The following ZNF710 variants were observed in gnomAD, a reference collection of about 807,000 sequenced individuals.
ZNF710 encodes zinc finger protein 710.
A neutral mutation model predicts 50.6 loss-of-function variants in ZNF710; 13 were observed. That is an observed-to-expected ratio of 0.26 (90% CI 0.17 to 0.41). The LOEUF is 0.41. Ranked by LOEUF, ZNF710 falls within the 10% of genes least tolerant of loss-of-function variation. The pLI is 1.00. For synonymous variants in ZNF710, 383 were observed against 397.0 expected, an observed-to-expected ratio of 0.96 and a Z score of 0.42; for missense variants, 721 against 936.6, an observed-to-expected ratio of 0.77 and a Z score of 3.01.
chr15:90,065,453 G>A (rs1225663483), intron 1 of ZNF710, among the ~76,000 whole-genome samples: 3 of 152,214 alleles, frequency 2.0e-5, no homozygotes, highest in Non-Finnish European at 2.9e-5. Flanking sequence ...ACTGCCTGGC[G>A]TGCTGCAGTC....
Position 90,074,338 on chromosome 15 carries a change from A to G in ZNF710, c.1825+48A>G, listed in dbSNP as rs530103494. 1.7e-5 allele frequency: 27 copies of G among 1,604,168 alleles called. No homozygotes were observed. In the South Asian group the frequency reaches 2.9e-4, roughly 17 times the overall value. Reference sequence around the variant, plus strand: ...ACAGAGCAGGAATGATACCAACATGACGCACTCAGGAGCCTCCTGCCCAGT... The same window carrying G: ...ACAGAGCAGGAATGATACCAACATGGCGCACTCAGGAGCCTCCTGCCCAGT... On this transcript the variant is annotated intron_variant, in intron 4 of 4. Coordinates refer to ENST00000268154, the MANE Select transcript of ZNF710 (RefSeq NM_198526.4).
At chr15:90,047,012 A>G (rs1899483269) in intron 1 of ZNF710, among the ~76,000 whole-genome samples, 1 of 152,218 alleles carries the variant, frequency 6.6e-6, no homozygotes, top group Non-Finnish European at 1.5e-5. Context: ...CAGGCCTGCA[A>G]GGCCATCAGG....
chr15:90,005,173 T>A (rs1567217057), intron 1 of ZNF710, among the ~76,000 whole-genome samples: 1 of 152,190 alleles, frequency 6.6e-6, no homozygotes, highest in East Asian at 1.9e-4. Context: ...GCGGAGCCCC[T>A]GTGCCTAGAA....
chr15:90,051,275 A>C (rs529147532), intron 1 of ZNF710, among the ~76,000 whole-genome samples: 144 of 151,458 alleles, frequency 9.5e-4, no homozygotes, highest in African/African-American at 3.3e-3. Flanking sequence ...CACTCCCAGT[A>C]ACTGGGTCCT....
rs1010695694 is a variant in ZNF710 at position 90,081,188 on chromosome 15, T to C, written c.*1359T>C. The stretch of plus-strand genomic sequence containing the variant: ...CCTCGGCTGTCAGGGCTGCTGACTC[T>C]GCTCAGCCAACAGCTAGCTCCCTCG... On this transcript the variant is annotated 3_prime_UTR_variant, in exon 5 of 5. Transcript: ENST00000268154. 5 of 152,658 alleles carry C rather than the reference T, an allele frequency of 3.3e-5. No homozygotes were observed. The highest frequency in any genetic ancestry group is 7.2e-5 in the African/African-American group (3 of 41,452). The allele number at this position is 152,658 out of a possible 1,614,324, so 9.5% of individuals were successfully genotyped here.
At chr15:90,074,068 G>A in intron 3 of ZNF710, 48 bp from the exon 4 acceptor site, 1 of 1,572,036 alleles carries the variant, frequency 6.4e-7, no homozygotes, top group Non-Finnish European at 8.6e-7. Context: ...GGGGTCCGGG[G>A]AAAGCAGGTT....
chr15:90,065,156 C>T (rs549064542), intron 1 of ZNF710, among the ~76,000 whole-genome samples: 4 of 152,280 alleles, frequency 2.6e-5, no homozygotes, highest in African/African-American at 7.2e-5. Flanking sequence ...CTTTGGTGTC[C>T]GTTTCAAGGA....
intron 1 of ZNF710, among the ~76,000 whole-genome samples, chr15:90,047,941 G>A (rs913996299): frequency 2.0e-5 from 3 of 152,168 alleles, no homozygotes; most frequent in Non-Finnish European, 4.4e-5. Flanking sequence ...CTCGAGGGTC[G>A]TGCTGTGAGG....
At chr15:90,056,129 G>T (rs1280546028) in intron 1 of ZNF710, among the ~76,000 whole-genome samples, 1 of 143,626 alleles carries the variant, frequency 7.0e-6, no homozygotes, top group African/African-American at 2.6e-5. Flanking sequence ...AAAAAAAAAG[G>T]CCAGATGCAG....
At chr15:90,033,844 CGT>C (rs1899022162) in intron 1 of ZNF710, among the ~76,000 whole-genome samples, 1 of 152,148 alleles carries the variant, frequency 6.6e-6, no homozygotes, top group Non-Finnish European at 1.5e-5. Context: ...GGTATGGAAA[CGT>C]GGGCGCTACC....
At chr15:90,032,914 G>GAAA (rs370156779) in intron 1 of ZNF710, among the ~76,000 whole-genome samples, 1 of 150,980 alleles carries the variant, frequency 6.6e-6, no homozygotes, top group South Asian at 2.1e-4. Context: ...TCTAAAAAAA[G>GAAA]AAAAAAAAAG....
At chr15:90,021,009 A>ACCC (rs532595178) in intron 1 of ZNF710, among the ~76,000 whole-genome samples, 1,994 of 90,840 alleles carry the variant, frequency 0.022, 91 homozygotes, top group African/African-American at 0.073. Flanking sequence ...AGGGTGTGGC[A>ACCC]CCCCCCCCCC....
intron 4 of ZNF710, chr15:90,075,156 C>T (rs2151539378): frequency 6.5e-6 from 1 of 153,262 alleles, no homozygotes; most frequent in Non-Finnish European, 1.5e-5. Flanking sequence ...GGAGGGACTG[C>T]TGTGGAGACT....
In ZNF710 at chr15:90,073,057, C is replaced by A. The variant is rs778619994; in HGVS notation, c.1459-14C>A. 1.2e-6 allele frequency: 2 copies of A among 1,609,958 alleles called. No individual in the cohort carries two copies. Among genetic ancestry groups the A allele is most frequent in the Non-Finnish European group, 1.7e-6 (2 of 1,177,326 alleles). On this transcript the variant is annotated splice_polypyrimidine_tract_variant and intron_variant, in intron 2 of 4. Transcript: ENST00000268154. ...CCCATTGTGTGGCCCTGACCATCAC[C>A]CCCCACCCCACAGGGCGTGAAGGAG...
chr15:89,999,185 C>T (rs999134286), upstream of ZNF710, among the ~76,000 whole-genome samples: 1 of 152,256 alleles, frequency 6.6e-6, no homozygotes, highest in Non-Finnish European at 1.5e-5. Flanking sequence ...CACCTGACCA[C>T]CTTAGTCCAA....
intron 1 of ZNF710, among the ~76,000 whole-genome samples, chr15:90,032,063 C>T (rs1472750642): frequency 6.6e-6 from 1 of 152,342 alleles, no homozygotes. Context: ...GTGGCGCGAT[C>T]TCAGCTCACT....
At position 90,079,894 on chromosome 15, in the gene ZNF710, C is replaced by G; in HGVS notation, c.*65C>G. Reference sequence around the variant, plus strand: ...GCATGGGGGTGAGACCCATGGGCTGCAGGCTGCACCTCCTGCAGCCGAGAA... The same window carrying G: ...GCATGGGGGTGAGACCCATGGGCTGGAGGCTGCACCTCCTGCAGCCGAGAA... On this transcript the variant is annotated 3_prime_UTR_variant, in exon 5 of 5. Coordinates refer to ENST00000268154, the MANE Select transcript of ZNF710 (RefSeq NM_198526.4). 2 of 1,438,796 alleles carry G rather than the reference C, an allele frequency of 1.4e-6. No individual in the cohort carries two copies. Among genetic ancestry groups the G allele is most frequent in the Non-Finnish European group, 1.9e-6 (2 of 1,080,124 alleles). 89.1% of individuals were successfully genotyped at this position (1,438,796 alleles called of 1,614,324 possible).
At chr15:90,022,377 A>C (rs549969376) in intron 1 of ZNF710, among the ~76,000 whole-genome samples, 1 of 152,162 alleles carries the variant, frequency 6.6e-6, no homozygotes, top group Non-Finnish European at 1.5e-5. Flanking sequence ...CTCTGTCTCA[A>C]AAAAACAAAA....
At chr15:90,053,471 C>A (rs1271733184) in intron 1 of ZNF710, among the ~76,000 whole-genome samples, 1 of 152,078 alleles carries the variant, frequency 6.6e-6, no homozygotes, top group African/African-American at 2.4e-5. Context: ...ACTCAGCCCC[C>A]CAAGTAGCTG....
Sources: allele counts gnomAD v4.1 joint callset (sites outside exome capture counted in the v4.1 genomes callset), GRCh38; gene constraint gnomAD v4.1.1; transcripts MANE v1.5; gene names NCBI Gene and HGNC (gene_info 2026-07-23, HGNC 2026-07-21).